NXPH1: variants seen among roughly 807,000 people sequenced by gnomAD.
The protein encoded by NXPH1 is neurexophilin-1.
A neutral mutation model predicts 23.7 loss-of-function variants in NXPH1; 5 were observed. The ratio of observed to expected loss-of-function variants is 0.21; its 90% confidence interval spans 0.11 to 0.44. The LOEUF is 0.44. Among genes scored for constraint, NXPH1 ranks in the 20% least tolerant of loss-of-function variants. NXPH1 has a pLI of 0.99. For missense variants in NXPH1, 324 were observed against 321.6 expected, an observed-to-expected ratio of 1.01 and a Z score of -0.06; for synonymous variants, 144 against 122.2, an observed-to-expected ratio of 1.18 and a Z score of -1.18.
intron 2 of NXPH1, among the ~76,000 whole-genome samples, chr7:8,730,324 C>A (rs1365682891): frequency 5.4e-5 from 8 of 148,492 alleles, no homozygotes; most frequent in Non-Finnish European, 1.0e-4. Flanking sequence ...TTAATTGGAG[C>A]ATTTAGTCCA....
intron 2 of NXPH1, among the ~76,000 whole-genome samples, chr7:8,646,817 A>C (rs1347806127): frequency 6.6e-6 from 1 of 152,042 alleles, no homozygotes; most frequent in Non-Finnish European, 1.5e-5. Context: ...ATTTTTAAAT[A>C]AGGTTTACTT....
At chr7:8,462,195 T>A (rs1816707409) in intron 2 of NXPH1, among the ~76,000 whole-genome samples, 1 of 152,050 alleles carries the variant, frequency 6.6e-6, no homozygotes, top group Non-Finnish European at 1.5e-5. Flanking sequence ...ACTACAGGCA[T>A]GCGCCACCAT....
chr7:8,535,974 G>T (rs1291817815), intron 2 of NXPH1, among the ~76,000 whole-genome samples: 1 of 151,896 alleles, frequency 6.6e-6, no homozygotes, highest in East Asian at 1.9e-4. Flanking sequence ...GGTAACTCCT[G>T]TTTATTTTTC....
At chr7:8,558,829 T>C (rs1241401347) in intron 2 of NXPH1, among the ~76,000 whole-genome samples, 1 of 151,804 alleles carries the variant, frequency 6.6e-6, no homozygotes, top group African/African-American at 2.4e-5. Context: ...TTTTGTTTCA[T>C]AGATGACTGC....
chr7:8,489,302 G>T (rs1817210866), intron 2 of NXPH1, among the ~76,000 whole-genome samples: 1 of 152,092 alleles, frequency 6.6e-6, no homozygotes, highest in Non-Finnish European at 1.5e-5. Context: ...ATTCTAGGGA[G>T]TCTGAATTTT....
At chr7:8,464,754 TG>T (rs1032556873) in intron 2 of NXPH1, among the ~76,000 whole-genome samples, 5 of 126,764 alleles carry the variant, frequency 3.9e-5, no homozygotes, top group Admixed American at 8.3e-5. Context: ...ATGCGTGTAG[TG>T]TTTTTTTTTG....
intron 2 of NXPH1, among the ~76,000 whole-genome samples, chr7:8,459,361 A>T (rs1200705782): frequency 6.6e-6 from 1 of 152,138 alleles, no homozygotes; most frequent in Non-Finnish European, 1.5e-5. Context: ...AAACTGATTT[A>T]TATTCCATTA....
intron 2 of NXPH1, among the ~76,000 whole-genome samples, chr7:8,486,188 A>C (rs1390335335): frequency 6.6e-6 from 1 of 152,160 alleles, no homozygotes; most frequent in Non-Finnish European, 1.5e-5. Context: ...CCTCCTTCTG[A>C]AGGAAGAACT....
At chr7:8,644,971 T>A (rs1482386413) in intron 2 of NXPH1, among the ~76,000 whole-genome samples, 2 of 152,226 alleles carry the variant, frequency 1.3e-5, no homozygotes, top group Non-Finnish European at 2.9e-5. Flanking sequence ...TTGCTTAGCA[T>A]ATTATTTGTG....
At chr7:8,731,427 G>C (rs1225106424) in intron 2 of NXPH1, among the ~76,000 whole-genome samples, 4 of 152,140 alleles carry the variant, frequency 2.6e-5, no homozygotes. Context: ...CTGCTTTTTA[G>C]AGTTTCCAGT....
At chr7:8,598,063 C>T (rs10265132) in intron 2 of NXPH1, among the ~76,000 whole-genome samples, 53,087 of 151,920 alleles carry the variant, frequency 0.35, 10,049 homozygotes, top group African/African-American at 0.5. Context: ...GTGTTCTTTC[C>T]TTGATGGAGT....
intron 2 of NXPH1, among the ~76,000 whole-genome samples, chr7:8,514,473 A>G (rs6463817): frequency 0.016 from 2,441 of 152,250 alleles, 54 homozygotes; most frequent in African/African-American, 0.055. Context: ...ATGGACAAGC[A>G]TTTGGCTTTT....
intron 2 of NXPH1, among the ~76,000 whole-genome samples, chr7:8,730,223 C>T (rs1239713894): frequency 1.3e-5 from 2 of 149,302 alleles, no homozygotes; most frequent in East Asian, 2.0e-4. Context: ...TTATTTTGAG[C>T]CTATGTGTGT....
intron 2 of NXPH1, among the ~76,000 whole-genome samples, chr7:8,499,894 T>A (rs1353214592): frequency 1.3e-5 from 2 of 152,032 alleles, no homozygotes; most frequent in Non-Finnish European, 2.9e-5. Context: ...TGCGGCCACA[T>A]TAGGAGTTAA....
chr7:8,522,822 T>C (rs954717706), intron 2 of NXPH1, among the ~76,000 whole-genome samples: 10 of 152,314 alleles, frequency 6.6e-5, no homozygotes, highest in African/African-American at 2.4e-4. Flanking sequence ...GAGACAGTGA[T>C]TATATTATGA....
intron 2 of NXPH1, among the ~76,000 whole-genome samples, chr7:8,576,121 C>T (rs1357262251): frequency 6.6e-6 from 1 of 152,056 alleles, no homozygotes; most frequent in Non-Finnish European, 1.5e-5. Flanking sequence ...GAGAGATATG[C>T]CTTTTATTTG....
chr7:8,458,784 T>G (rs185709831), intron 2 of NXPH1, among the ~76,000 whole-genome samples: 1 of 152,194 alleles, frequency 6.6e-6, no homozygotes, highest in African/African-American at 2.4e-5. Context: ...GAGAGAAAAG[T>G]AGGGTTTACC....
intron 2 of NXPH1, among the ~76,000 whole-genome samples, chr7:8,544,977 G>C (rs1316143759): frequency 6.6e-6 from 1 of 151,560 alleles, no homozygotes. Context: ...TAACAGAATA[G>C]TTTCTTAATG....
chr7:8,537,565 A>T (rs1818047583), intron 2 of NXPH1, among the ~76,000 whole-genome samples: 1 of 151,946 alleles, frequency 6.6e-6, no homozygotes. Context: ...CCCATGATTC[A>T]GTTACCTCCC....
Sources: allele counts gnomAD v4.1 joint callset (sites outside exome capture counted in the v4.1 genomes callset), GRCh38; gene constraint gnomAD v4.1.1; transcripts MANE v1.5; gene names NCBI Gene and HGNC (gene_info 2026-07-23, HGNC 2026-07-21).